The following ZNF462 variants were observed in gnomAD, a reference collection of about 807,000 sequenced individuals.
The protein encoded by ZNF462 is zinc finger PBX1-interacting protein.
Under a neutral mutation model 201.9 loss-of-function variants are expected in ZNF462, and 10 were observed. The observed-to-expected ratio is 0.05, with a 90% CI of 0.03 to 0.08. The LOEUF (loss-of-function observed/expected upper bound fraction) is 0.08. Among genes scored for constraint, ZNF462 ranks in the 10% least tolerant of loss-of-function variants. The pLI is 1.00. For missense variants in ZNF462, 2,523 were observed against 3,168.3 expected (o/e 0.80, Z 4.89); for synonymous variants, 1,227 against 1,193.3 (o/e 1.03, Z -0.58).
In ZNF462 at chr9:106,923,467, G is replaced by T. The variant is rs750966412; in HGVS notation, c.84G>T (p.Thr28=). ...AGGCACACATTCAGGATGTCCACAC[G>T]GCATTTCTGCAGCCAACTGATGTTG... ...DLKAHIQDVH[T]AFLQPTDVAE... Residue 28 remains threonine, a synonymous_variant, in exon 2 of 13, where the codon ACG becomes ACT. Coordinates refer to ENST00000277225, the MANE Select transcript of ZNF462 (RefSeq NM_021224.6). The surrounding 1 kb of genome is among the most constrained non-coding windows in gnomAD (Gnocchi z 5.6). The T allele has an allele frequency of 1.5e-5, 24 of 1,614,064 alleles. No individual in the cohort carries two copies. The highest frequency in any genetic ancestry group is 1.8e-5 in the Non-Finnish European group (21 of 1,180,058).
chr9:106,873,345 A>G (rs1827681613), intron 1 of ZNF462, among the ~76,000 whole-genome samples: 2 of 152,094 alleles, frequency 1.3e-5, no homozygotes, highest in African/African-American at 4.8e-5. Flanking sequence ...GGAAATAAAC[A>G]TTTTAAAATT....
rs185334758 is a variant in ZNF462, at chr9:106,981,880, G to T, written c.6833-2306G>T. Among the ~76,000 whole-genome samples the T allele has an allele frequency of 6.6e-6, 1 of 152,188 alleles. No individual in the cohort carries two copies. The highest frequency in any genetic ancestry group is 1.5e-5 in the Non-Finnish European group (1 of 68,046). On this transcript the variant is annotated intron_variant, in intron 9 of 12. Coordinates refer to ENST00000277225, the MANE Select transcript of ZNF462 (RefSeq NM_021224.6). The surrounding 1 kb of genome is among the most constrained non-coding windows in gnomAD (Gnocchi z 4.0). ...TGATACCGGGCTGTTCTTCTTCACC[G>T]TAGAGGTCAACGGAACCAAGGCAGG...
At position 107,011,093 on chromosome 9, in the gene ZNF462, C is replaced by T; in HGVS notation, c.*63C>T. 1 of 1,550,574 alleles carries T rather than the reference C, an allele frequency of 6.4e-7. No individual in the cohort carries two copies. Among genetic ancestry groups the T allele is most frequent in the Non-Finnish European group, 8.8e-7 (1 of 1,134,752 alleles). On this transcript the variant is annotated 3_prime_UTR_variant, in exon 13 of 13. Transcript: ENST00000277225. The surrounding 1 kb of genome is among the most constrained non-coding windows in gnomAD (Gnocchi z 5.6). The stretch of plus-strand genomic sequence containing the variant: ...AGTGATGAAAAAGTGGGAGGGCTGG[C>T]TTGGGCTGAGAAGGGAGGGACAGAA...
chr9:106,928,767 C>T lies in ZNF462; in HGVS notation c.4855C>T (p.Leu1619Phe). The change falls in exon 3 of 13, where the codon CTC becomes TTC. Residue 1619 changes from leucine to phenylalanine, a missense_variant. Around this residue, in one of 15 missense-constraint regions of ZNF462, gnomAD observed 200 missense variants for 281.3 expected, o/e 0.71. Transcript: ENST00000277225. This position sits in a 1 kb window ranked among gnomAD's most constrained non-coding sequence, Gnocchi z 9.3. ...SQSPPKLPVP[L>F]EPEMTTEVSP... ...GTCGCCCCCGAAGCTGCCAGTCCCC[C>T]TCGAGCCCGAGATGACCACTGAAGT... 6.2e-7 allele frequency: 1 copy of T among 1,614,166 alleles called. No homozygotes were observed. The highest frequency in any genetic ancestry group is 8.5e-7 in the Non-Finnish European group (1 of 1,180,026).
In ZNF462 at chr9:106,930,382, T is replaced by C. The variant is rs1830375578; in HGVS notation, c.5848-143T>C. On this transcript the variant is annotated intron_variant, in intron 3 of 12. Coordinates refer to ENST00000277225, the MANE Select transcript of ZNF462 (RefSeq NM_021224.6). The surrounding 1 kb of genome is among the most constrained non-coding windows in gnomAD (Gnocchi z 5.8). ...TGCCATGATGCTGACAAATTTGTTA[T>C]ATAAAAATACTCGCCTATATCTCCC... 4.7e-6 allele frequency: 5 copies of C among 1,069,288 alleles called. No homozygotes were observed. Among genetic ancestry groups the C allele is most frequent in the Non-Finnish European group, 6.6e-6 (5 of 762,590 alleles). 66.2% of individuals were successfully genotyped at this position (1,069,288 alleles called of 1,614,324 possible).
rs1381297484 is a variant in ZNF462, at chr9:106,967,457, G to GA, written c.6428-4541dup. 4.0e-5 allele frequency among the ~76,000 whole-genome samples: 6 copies of GA among 151,448 alleles called. 1 individual carries two copies. The highest frequency in any genetic ancestry group is 4.2e-4 in the South Asian group (2 of 4,794). On this transcript the variant is annotated intron_variant, in intron 7 of 12. Coordinates refer to ENST00000277225, the MANE Select transcript of ZNF462 (RefSeq NM_021224.6). ...TTCTCTAAGTTTTGGAGAAAAAAAGGAAAAAAATCAAAACAACTCAAACTG... is the reference window on the plus strand; with the variant it reads ...TTCTCTAAGTTTTGGAGAAAAAAAGGAAAAAAAATCAAAACAACTCAAACTG...
chr9:106,928,317 C>A lies in ZNF462; in HGVS notation c.4405C>A (p.Pro1469Thr). Reference sequence around the variant, plus strand: ...AGCCAACCCCGCCATATCCTCCACCCCATACCAGTGCACGGTATGCCAATC... The same window carrying A: ...AGCCAACCCCGCCATATCCTCCACCACATACCAGTGCACGGTATGCCAATC... ...ASANPAISST[P>T]YQCTVCQSEY... The change falls in exon 3 of 13, where the codon CCA becomes ACA. Residue 1469 changes from proline to threonine, a missense_variant. Coordinates refer to ENST00000277225, the MANE Select transcript of ZNF462 (RefSeq NM_021224.6). This position sits in a 1 kb window ranked among gnomAD's most constrained non-coding sequence, Gnocchi z 9.3. The A allele has an allele frequency of 1.9e-6, 3 of 1,614,186 alleles. No homozygotes were observed. Among genetic ancestry groups the A allele is most frequent in the South Asian group, 1.1e-5 (1 of 91,076 alleles).
At chr9:106,889,850 C>A (rs954917201) in intron 1 of ZNF462, among the ~76,000 whole-genome samples, 1 of 152,124 alleles carries the variant, frequency 6.6e-6, no homozygotes, top group African/African-American at 2.4e-5. Flanking sequence ...TATGTACTAT[C>A]TTTATTTGCT....
chr9:106,932,344 G>T lies in ZNF462; in HGVS notation c.6013-102G>T. The T allele has an allele frequency of 6.3e-7, 1 of 1,576,948 alleles. No individual in the cohort carries two copies. The highest frequency in any genetic ancestry group is 1.2e-5 in the South Asian group (1 of 86,752). Reference sequence around the variant, plus strand: ...CGCCAGTGGCGCCCTGGTGGGCCGGGTGGATGGTGAACACTGCTTGCTTGA... The same window carrying T: ...CGCCAGTGGCGCCCTGGTGGGCCGGTTGGATGGTGAACACTGCTTGCTTGA... On this transcript the variant is annotated intron_variant, in intron 4 of 12. Coordinates refer to ENST00000277225, the MANE Select transcript of ZNF462 (RefSeq NM_021224.6). The surrounding 1 kb of genome is among the most constrained non-coding windows in gnomAD (Gnocchi z 6.8).
At chr9:106,910,194 T>C (rs60387291) in intron 1 of ZNF462, among the ~76,000 whole-genome samples, 1 of 152,018 alleles carries the variant, frequency 6.6e-6, no homozygotes, top group East Asian at 1.9e-4. Flanking sequence ...CCAGCCTCTC[T>C]TTCATCTTGT....
At chr9:106,910,138 C>A (rs1431278761) in intron 1 of ZNF462, among the ~76,000 whole-genome samples, 1 of 151,986 alleles carries the variant, frequency 6.6e-6, no homozygotes, top group East Asian at 1.9e-4. Flanking sequence ...ATATTTATTA[C>A]TTCTGCAATG....
At chr9:106,922,984 A>G (rs1830047151) in intron 1 of ZNF462, among the ~76,000 whole-genome samples, 1 of 152,224 alleles carries the variant, frequency 6.6e-6, no homozygotes, top group African/African-American at 2.4e-5. Flanking sequence ...CCAATTTAAA[A>G]AGAAAATGAG....
In ZNF462 at chr9:107,003,474, C is replaced by T. The variant is rs368887612; in HGVS notation, c.7189+48C>T. Reference sequence around the variant, plus strand: ...AATCCCAGATGGCATCTGGCATGTCCGTAGTGAGACAGAAGGGAGGCAGGA... The same window carrying T: ...AATCCCAGATGGCATCTGGCATGTCTGTAGTGAGACAGAAGGGAGGCAGGA... On this transcript the variant is annotated intron_variant, in intron 11 of 12. Coordinates refer to ENST00000277225, the MANE Select transcript of ZNF462 (RefSeq NM_021224.6). The surrounding 1 kb of genome is among the most constrained non-coding windows in gnomAD (Gnocchi z 4.4). 1.9e-5 allele frequency: 30 copies of T among 1,599,468 alleles called. No individual in the cohort carries two copies. Among genetic ancestry groups the T allele is most frequent in the South Asian group, 3.4e-5 (3 of 88,884 alleles).
At chr9:106,983,251 G>C (rs1165819237) in intron 9 of ZNF462, among the ~76,000 whole-genome samples, 1 of 152,126 alleles carries the variant, frequency 6.6e-6, no homozygotes, top group Non-Finnish European at 1.5e-5. Context: ...TACAGCATTT[G>C]GTATGTTAAC....
At chr9:106,891,497 C>T (rs989237481) in intron 1 of ZNF462, among the ~76,000 whole-genome samples, 4 of 152,126 alleles carry the variant, frequency 2.6e-5, no homozygotes, top group African/African-American at 9.7e-5. Flanking sequence ...TACGGATTGA[C>T]ATTCCTTGCT....
intron 7 of ZNF462, among the ~76,000 whole-genome samples, chr9:106,956,667 G>A (rs1366762164): frequency 6.6e-6 from 1 of 152,136 alleles, no homozygotes; most frequent in African/African-American, 2.4e-5. Flanking sequence ...GTTGCTTAGT[G>A]GAGCCAGCTT....
chr9:106,953,349 C>A (rs558874305), intron 7 of ZNF462, among the ~76,000 whole-genome samples: 2 of 152,278 alleles, frequency 1.3e-5, no homozygotes, highest in South Asian at 4.1e-4. Context: ...GAATTCCTTG[C>A]AGCATGACCT....
At chr9:106,911,673 G>C (rs945930301) in intron 1 of ZNF462, among the ~76,000 whole-genome samples, 2 of 152,188 alleles carry the variant, frequency 1.3e-5, no homozygotes, top group African/African-American at 4.8e-5. Flanking sequence ...GTTCTACATG[G>C]AGGAAAACCG....
intron 1 of ZNF462, among the ~76,000 whole-genome samples, chr9:106,921,604 T>C (rs539555565): frequency 6.6e-6 from 1 of 152,342 alleles, no homozygotes; most frequent in South Asian, 2.1e-4. Context: ...AGCAGAGCTG[T>C]GGCTTGTTTG....
Sources: allele counts gnomAD v4.1 joint callset (sites outside exome capture counted in the v4.1 genomes callset), GRCh38; gene constraint gnomAD v4.1.1; regional missense constraint gnomAD v4.1.1; non-coding constraint Gnocchi (gnomAD v3.1); transcripts MANE v1.5; gene names NCBI Gene and HGNC (gene_info 2026-07-23, HGNC 2026-07-21).